The following EML5 variants were observed in gnomAD, a reference collection of about 807,000 sequenced individuals.
EML5 encodes echinoderm microtubule-associated protein-like 5.
A neutral mutation model predicts 250.0 loss-of-function variants in EML5; 120 were observed. The ratio of observed to expected loss-of-function variants is 0.48; its 90% confidence interval spans 0.41 to 0.56. The LOEUF is 0.56. Ranked by LOEUF, EML5 falls within the 20% of genes least tolerant of loss-of-function variation. EML5 has a pLI of 0.00. For synonymous variants in EML5, 771 were observed against 806.5 expected (o/e 0.96, Z 0.75); for missense variants, 2,006 against 2,437.6 (o/e 0.82, Z 3.73).
At chr14:88,727,779 G>C (rs2140100199) in intron 7 of EML5, among the ~76,000 whole-genome samples, 1 of 152,280 alleles carries the variant, frequency 6.6e-6, no homozygotes, top group South Asian at 2.1e-4. Context: ...CAAAGGGAGA[G>C]AGTGTGTGTG....
intron 17 of EML5, among the ~76,000 whole-genome samples, chr14:88,692,246 G>A (rs1055539888): frequency 5.9e-5 from 9 of 151,912 alleles, no homozygotes; most frequent in African/African-American, 1.9e-4. Context: ...GTGTGGTGGC[G>A]GGCACCTGTA....
chr14:88,674,990 A>C (rs1456828357), intron 21 of EML5, among the ~76,000 whole-genome samples: 2 of 152,176 alleles, frequency 1.3e-5, no homozygotes, highest in African/African-American at 4.8e-5. Flanking sequence ...CTGATGCAAG[A>C]GGTGGGTTCC....
chr14:88,734,607 G>C (rs1361823366), intron 7 of EML5, among the ~76,000 whole-genome samples: 1 of 151,988 alleles, frequency 6.6e-6, no homozygotes, highest in Non-Finnish European at 1.5e-5. Flanking sequence ...TACTAATCTA[G>C]ACGATAATCA....
chr14:88,677,246 C>T (rs1446786725), intron 21 of EML5, among the ~76,000 whole-genome samples: 2 of 152,060 alleles, frequency 1.3e-5, no homozygotes, highest in African/African-American at 4.8e-5. Flanking sequence ...AACTGGCTGG[C>T]CACATGCAGA....
rs2093842056 is a variant in EML5 at position 88,736,425 on chromosome 14, C to T, written c.988G>A (p.Ala330Thr). 1.2e-6 allele frequency: 2 copies of T among 1,613,892 alleles called. No homozygotes were observed. The highest frequency in any genetic ancestry group is 1.3e-5 in the African/African-American group (1 of 74,920). Residue 330 changes from alanine (A) to threonine (T), a missense_variant, in exon 7 of 44, where the codon GCA (alanine) becomes ACA (threonine). By Grantham distance (58) the Ala-to-Thr change is moderately conservative. Coordinates refer to ENST00000554922, the MANE Select transcript of EML5 (RefSeq NM_183387.3). ...GGTTTAGTAGGATGGACAGCAAGTG[C>T]CCAAAGTTCACCTTCACAATGCCCT... The part of the protein sequence containing the change: ...MQGHCEGELW[A>T]LAVHPTKPLA...
chr14:88,778,383 G>A (rs1440707113), intron 1 of EML5, among the ~76,000 whole-genome samples: 1 of 152,202 alleles, frequency 6.6e-6, no homozygotes, highest in African/African-American at 2.4e-5. Context: ...AATTTTGAGT[G>A]TACGACTTTT....
At chr14:88,777,181 C>T (rs1276010929) in intron 1 of EML5, among the ~76,000 whole-genome samples, 1 of 152,004 alleles carries the variant, frequency 6.6e-6, no homozygotes, top group Non-Finnish European at 1.5e-5. Context: ...AGAAAGGGTC[C>T]TAAAAGAAGC....
intron 8 of EML5, among the ~76,000 whole-genome samples, chr14:88,715,491 T>G (rs570092759): frequency 6.6e-6 from 1 of 152,288 alleles, no homozygotes; most frequent in East Asian, 1.9e-4. Context: ...GGAAATAAAG[T>G]AATAGATTTT....
intron 1 of EML5, among the ~76,000 whole-genome samples, chr14:88,782,343 T>A (rs1198706756): frequency 2.0e-5 from 3 of 152,138 alleles, no homozygotes; most frequent in Admixed American, 2.0e-4. Context: ...AAGCAGAGCA[T>A]GAAAGTTTGG....
chr14:88,719,767 T>G (rs1026923197), intron 8 of EML5, among the ~76,000 whole-genome samples: 4 of 152,050 alleles, frequency 2.6e-5, no homozygotes, highest in Non-Finnish European at 1.5e-5. Flanking sequence ...GAAATACCAA[T>G]TTGAATCATC....
chr14:88,718,229 A>T (rs1194381337), intron 8 of EML5, among the ~76,000 whole-genome samples: 1 of 152,214 alleles, frequency 6.6e-6, no homozygotes, highest in Non-Finnish European at 1.5e-5. Flanking sequence ...GTGATGTTAA[A>T]TAAGTAACTG....
intron 22 of EML5, 73 bp downstream of exon 22, chr14:88,665,264 A>G: frequency 6.9e-7 from 1 of 1,451,052 alleles, no homozygotes; most frequent in East Asian, 2.5e-5. Flanking sequence ...CAGTTAATAA[A>G]AATTATACAT....
chr14:88,724,273 CAA>C (rs1158845753), intron 8 of EML5, among the ~76,000 whole-genome samples: 1,771 of 80,686 alleles, frequency 0.022, 35 homozygotes, highest in African/African-American at 0.065. Context: ...GACTCCATAT[CAA>C]AAAAAAAAAA....
chr14:88,614,639 A>G lies in EML5; in HGVS notation c.*1179T>C, dbSNP rs559264752. ...TATATTTTTAAATAGCAGTCTACATAATTTTCAATCTTCAGGAAACTACAG... is the reference window on the plus strand; with the variant it reads ...TATATTTTTAAATAGCAGTCTACATGATTTTCAATCTTCAGGAAACTACAG... On this transcript the variant is annotated 3_prime_UTR_variant, in exon 44 of 44. Transcript: ENST00000554922. 2 of 152,344 alleles carry G rather than the reference A, an allele frequency of 1.3e-5. No homozygotes were observed. The highest frequency in any genetic ancestry group is 4.1e-4 in the South Asian group (2 of 4,832). 9.4% of individuals were successfully genotyped at this position (152,344 alleles called of 1,614,324 possible). A position where few individuals can be genotyped will look rare whatever the true frequency, so the allele number is the denominator to read the frequency against.
At chr14:88,740,674 TTAAC>T (rs1402753369) in intron 4 of EML5, 102 bp from the exon 5 acceptor site, 2 of 1,034,416 alleles carry the variant, frequency 1.9e-6, no homozygotes, top group East Asian at 2.5e-5. Context: ...GAGCTAAAAA[TTAAC>T]TAAGAAATTG....
chr14:88,715,618 G>A (rs1019379440), intron 8 of EML5, among the ~76,000 whole-genome samples: 6 of 151,310 alleles, frequency 4.0e-5, no homozygotes, highest in Non-Finnish European at 8.8e-5. Flanking sequence ...TTACATTTAG[G>A]AAATAATAAA....
Position 88,792,314 on chromosome 14 carries a change from T to TGTC in EML5, c.187_189dup (p.Asp63dup). ...GCCCCCGCTCCCCGGTACCTGATGA[T>TGTC]GTCGTCGCTGTGGCCCCGGTAGAAC... On this transcript the variant is annotated inframe_insertion, in exon 1 of 44. Transcript: ENST00000554922. This position sits in a 1 kb window ranked among gnomAD's most constrained non-coding sequence, Gnocchi z 6.9. The TGTC allele has an allele frequency of 6.4e-7, 1 of 1,556,534 alleles. No individual in the cohort carries two copies. The highest frequency in any genetic ancestry group is 8.7e-7 in the Non-Finnish European group (1 of 1,152,366).
chr14:88,691,240 C>A (rs947935601), intron 17 of EML5, among the ~76,000 whole-genome samples: 2 of 152,112 alleles, frequency 1.3e-5, no homozygotes, highest in Admixed American at 6.5e-5. Context: ...CAGTTTCACT[C>A]CCAACCAAAA....
intron 42 of EML5, 91 bp from the exon 43 acceptor site, chr14:88,616,333 T>C (rs1482875036): frequency 7.9e-7 from 1 of 1,273,650 alleles, no homozygotes; most frequent in Non-Finnish European, 1.1e-6. Context: ...TGACAAGAGC[T>C]GTGGAGAGAG....
Sources: gnomAD v4.1 joint callset for allele counts (sites outside exome capture counted in the v4.1 genomes callset) on GRCh38, gnomAD v4.1.1 for gene constraint, Gnocchi (gnomAD v3.1) non-coding constraint, MANE v1.5 for transcripts, NCBI Gene and HGNC (gene_info 2026-07-23, HGNC 2026-07-21) for gene names.